The following HHAT variants were observed in gnomAD, a reference collection of about 807,000 sequenced individuals.
HHAT encodes protein-cysteine N-palmitoyltransferase HHAT.
HHAT carries 47 observed loss-of-function variants against 70.8 expected under a neutral mutation model. The ratio of observed to expected loss-of-function variants is 0.66; its 90% CI spans 0.53 to 0.85. HHAT has a LOEUF of 0.85. Ranked by LOEUF, HHAT falls within the 40% of genes least tolerant of loss-of-function variation. The pLI, the probability that HHAT is intolerant of heterozygous loss-of-function variation, is 0.00. For synonymous variants in HHAT, 228 were observed against 247.6 expected (o/e 0.92, Z 0.74); for missense variants, 609 against 604.8 (o/e 1.01, Z -0.07).
chr1:210,623,777 T>C (rs945938555), intron 11 of HHAT, 107 bp downstream of exon 11: 1 of 1,192,488 alleles, frequency 8.4e-7, no homozygotes, highest in Non-Finnish European at 1.2e-6. Flanking sequence ...TTCATTGTTA[T>C]GTTCATGGCA....
At chr1:210,594,488 T>C (rs911334957) in intron 10 of HHAT, among the ~76,000 whole-genome samples, 1 of 152,180 alleles carries the variant, frequency 6.6e-6, no homozygotes, top group African/African-American at 2.4e-5. Context: ...TTTTGTTGTT[T>C]TTGTTTATGT....
chr1:210,550,926 C>G lies in HHAT; in HGVS notation c.1044-36972C>G, dbSNP rs548405506. On this transcript the variant is annotated intron_variant, in intron 9 of 11. Transcript: ENST00000261458. Reference sequence around the variant, plus strand: ...TAAGTGATCCACCCACCTTGGCCTCCCAAAGCTCTAGGATTACAGGTGTGA... The same window carrying G: ...TAAGTGATCCACCCACCTTGGCCTCGCAAAGCTCTAGGATTACAGGTGTGA... Among the ~76,000 whole-genome samples, 100 of 148,484 alleles carry G rather than the reference C, an allele frequency of 6.7e-4. 11 individuals carry two copies. Among genetic ancestry groups the G allele is most frequent in the South Asian group, 2.0e-3 (9 of 4,576 alleles).
chr1:210,575,516 T>A (rs1306503357), intron 9 of HHAT, among the ~76,000 whole-genome samples: 1 of 152,166 alleles, frequency 6.6e-6, no homozygotes, highest in Non-Finnish European at 1.5e-5. Context: ...GCCCTGGGGA[T>A]GCTGAGACTT....
chr1:210,340,242 GAAAAAAAAAAAAA>G (rs57007952), intron 1 of HHAT, among the ~76,000 whole-genome samples: 2 of 99,784 alleles, frequency 2.0e-5, no homozygotes, highest in Admixed American at 1.3e-4. Context: ...CTCTGTCTCA[GAAAAAAAAAAAAA>G]AAAAAAAAAA....
intron 11 of HHAT, among the ~76,000 whole-genome samples, chr1:210,645,999 T>C (rs911524036): frequency 1.3e-5 from 2 of 152,188 alleles, no homozygotes; most frequent in African/African-American, 2.4e-5. Flanking sequence ...AACTGGGACC[T>C]GCCCTCCCAG....
chr1:210,329,713 G>C (rs1406150601), intron 1 of HHAT, among the ~76,000 whole-genome samples: 1 of 152,146 alleles, frequency 6.6e-6, no homozygotes, highest in East Asian at 1.9e-4. Flanking sequence ...TTTGCATTAC[G>C]TGGGAGTGAG....
chr1:210,448,136 G>A (rs996521500), intron 7 of HHAT, among the ~76,000 whole-genome samples: 1 of 150,658 alleles, frequency 6.6e-6, no homozygotes, highest in Non-Finnish European at 1.5e-5. Flanking sequence ...CTGTAATGCG[G>A]TAGCTCGATC....
At position 210,433,910 on chromosome 1, in the gene HHAT, G is replaced by A. The variant is rs561138637; in HGVS notation, c.856+15585G>A. 1.2e-4 allele frequency among the ~76,000 whole-genome samples: 18 copies of A among 152,074 alleles called. No individual in the cohort carries two copies. In the South Asian group the frequency reaches 2.1e-3, roughly 17 times the overall value. On this transcript the variant is annotated intron_variant, in intron 7 of 11. Transcript: ENST00000261458. ...GGCTGTGGATGTTGTCCACACCAGC[G>A]TTGTACCAGTCTACATGGGGTTACC...
intron 11 of HHAT, among the ~76,000 whole-genome samples, chr1:210,641,701 C>T (rs1672997843): frequency 6.6e-6 from 1 of 152,208 alleles, no homozygotes; most frequent in Admixed American, 6.5e-5. Flanking sequence ...CAGAAAACTT[C>T]ACTCAGCGAA....
intron 9 of HHAT, among the ~76,000 whole-genome samples, chr1:210,552,176 G>A (rs141795063): frequency 7.2e-5 from 11 of 152,240 alleles, no homozygotes; most frequent in African/African-American, 1.4e-4. Context: ...AGGATTATAC[G>A]CAGGGAAGCA....
rs1664721765 is a variant in HHAT at position 210,603,454 on chromosome 1, T to C, written c.1245+15355T>C. ...GGGAAAAATAAATAATCTTAGTATG[T>C]ATATGTTGAAGATTTGGCTGTGTCT... On this transcript the variant is annotated intron_variant, in intron 10 of 11. Coordinates refer to ENST00000261458, the MANE Select transcript of HHAT (RefSeq NM_018194.6). 2.0e-5 allele frequency among the ~76,000 whole-genome samples: 3 copies of C among 152,138 alleles called. No homozygotes were observed. In the South Asian group the frequency reaches 6.2e-4, roughly 32 times the overall value.
In HHAT at chr1:210,486,075, T is replaced by G. The variant is rs76487530; in HGVS notation, c.1007+21420T>G. ...ATTATACGTGCTTGAATTAGTATTC[T>G]CACATATTTGCCCTTACTCATCATC... On this transcript the variant is annotated intron_variant, in intron 8 of 11. Transcript: ENST00000261458. Among the ~76,000 whole-genome samples, 1,274 of 152,316 alleles carry G rather than the reference T, an allele frequency of 8.4e-3. 22 individuals carry two copies. Among genetic ancestry groups the G allele is most frequent in the African/African-American group, 0.028 (1,179 of 41,568 alleles).
chr1:210,656,345 G>C (rs1297435769), intron 11 of HHAT, among the ~76,000 whole-genome samples: 1 of 152,142 alleles, frequency 6.6e-6, no homozygotes, highest in Non-Finnish European at 1.5e-5. Context: ...GAGCCACTCA[G>C]CCTAGCTGGA....
chr1:210,661,438 T>A lies in HHAT; in HGVS notation c.1391-12850T>A, dbSNP rs565537158. 3.4e-4 allele frequency among the ~76,000 whole-genome samples: 50 copies of A among 147,212 alleles called. No individual in the cohort carries two copies. In the East Asian group the frequency reaches 6.8e-3, roughly 20 times the overall value. On this transcript the variant is annotated intron_variant, in intron 11 of 11. Coordinates refer to ENST00000261458, the MANE Select transcript of HHAT (RefSeq NM_018194.6). ...GAGGATGTGGAGAAACAGGAACACT[T>A]TTACACTTTTGGTGGGAGTGTAAAC...
chr1:210,509,187 T>C (rs1321607134), intron 8 of HHAT, among the ~76,000 whole-genome samples: 2 of 152,238 alleles, frequency 1.3e-5, no homozygotes. Flanking sequence ...CAGAAATCAG[T>C]GTTTTGGATT....
intron 9 of HHAT, among the ~76,000 whole-genome samples, chr1:210,586,067 A>AGT (rs2148781723): frequency 6.6e-6 from 1 of 152,312 alleles, no homozygotes; most frequent in South Asian, 2.1e-4. Flanking sequence ...GTCTTTGTCC[A>AGT]GTGGCACAGT....
At chr1:210,657,232 AG>A (rs1416583531) in intron 11 of HHAT, among the ~76,000 whole-genome samples, 1 of 152,194 alleles carries the variant, frequency 6.6e-6, no homozygotes, top group African/African-American at 2.4e-5. Context: ...CAGGAGGACC[AG>A]GGGAGACAGT....
intron 7 of HHAT, among the ~76,000 whole-genome samples, chr1:210,454,842 T>C (rs1162561343): frequency 6.6e-6 from 1 of 152,254 alleles, no homozygotes; most frequent in African/African-American, 2.4e-5. Context: ...TTTCCATGTC[T>C]AACATGTTCA....
At chr1:210,534,335 T>A (rs1180251863) in intron 9 of HHAT, among the ~76,000 whole-genome samples, 1 of 152,228 alleles carries the variant, frequency 6.6e-6, no homozygotes, top group Non-Finnish European at 1.5e-5. Flanking sequence ...CCTGAGGATG[T>A]GGGAGATGAT....
Sources: allele counts gnomAD v4.1 joint callset (sites outside exome capture counted in the v4.1 genomes callset), GRCh38; gene constraint gnomAD v4.1.1; transcripts MANE v1.5; gene names NCBI Gene and HGNC (gene_info 2026-07-23, HGNC 2026-07-21).